The following MCTP1 variants were observed in gnomAD, a reference collection of about 807,000 sequenced individuals.
The protein encoded by MCTP1 is multiple C2 and transmembrane domain containing 1.
MCTP1 carries 69 observed loss-of-function variants against 120.6 expected under a neutral mutation model. That is an observed-to-expected ratio of 0.57 (90% CI 0.47 to 0.70). The LOEUF (loss-of-function observed/expected upper bound fraction) is 0.70. MCTP1 is among the 30% of genes least tolerant of loss of function. The probability of loss-of-function intolerance (pLI) is 0.00; values close to 1 mark genes in which losing one functional copy is unlikely to be tolerated. For synonymous variants in MCTP1, 529 were observed against 493.1 expected, an observed-to-expected ratio of 1.07 and a Z score of -0.96; for missense variants, 1,203 against 1,248.8, an observed-to-expected ratio of 0.96 and a Z score of 0.55.
In MCTP1 at chr5:95,284,659, G is replaced by C; in HGVS notation, c.-84C>G. The C allele has an allele frequency of 8.4e-7, 1 of 1,195,906 alleles. No individual in the cohort carries two copies. Among genetic ancestry groups the C allele is most frequent in the East Asian group, 3.1e-5 (1 of 31,938 alleles). The allele number at this position is 1,195,906 out of a possible 1,614,324, so 74.1% of individuals were successfully genotyped here. A position where few individuals can be genotyped will look rare whatever the true frequency, so the allele number is the denominator to read the frequency against. ...CCCTCTTCGGCTGCACCTCCTCCCG[G>C]GTCCCCGCGGCGCTGGCGGTGGCGG... On this transcript the variant is annotated 5_prime_UTR_variant, in exon 1 of 23. Transcript: ENST00000515393. The surrounding 1 kb of genome is among the most constrained non-coding windows in gnomAD (Gnocchi z 5.2).
At chr5:95,264,073 A>G (rs1287959729) in intron 1 of MCTP1, among the ~76,000 whole-genome samples, 1 of 152,246 alleles carries the variant, frequency 6.6e-6, no homozygotes, top group Admixed American at 6.5e-5. Context: ...GCATATTTGT[A>G]TAATGAAGCT....
At chr5:94,856,543 A>C (rs2153228961) in intron 17 of MCTP1, among the ~76,000 whole-genome samples, 1 of 151,782 alleles carries the variant, frequency 6.6e-6, no homozygotes, top group East Asian at 1.9e-4. Context: ...GGGCTTGTGC[A>C]TGGCATGGAC....
Position 94,985,961 on chromosome 5 carries a change from T to C in MCTP1, c.838+31406A>G, listed in dbSNP as rs184515274. ...AAGTGAGCTTTTCTTACTTTTAAAA[T>C]TATGTAAGTGGGAATGCATGCCTGT... On this transcript the variant is annotated intron_variant, in intron 2 of 22. Coordinates refer to ENST00000515393, the MANE Select transcript of MCTP1 (RefSeq NM_024717.7). Among the ~76,000 whole-genome samples the C allele has an allele frequency of 3.2e-4, 49 of 152,314 alleles. 1 individual carries two copies. The highest frequency in any genetic ancestry group is 1.2e-3 in the African/African-American group (48 of 41,576).
At chr5:95,163,891 A>G (rs1746027811) in intron 1 of MCTP1, among the ~76,000 whole-genome samples, 1 of 152,194 alleles carries the variant, frequency 6.6e-6, no homozygotes, top group Non-Finnish European at 1.5e-5. Flanking sequence ...TAGCTCATTA[A>G]TTATCTCATG....
chr5:95,159,529 G>A (rs914068688), intron 1 of MCTP1, among the ~76,000 whole-genome samples: 1 of 152,128 alleles, frequency 6.6e-6, no homozygotes, highest in Non-Finnish European at 1.5e-5. Flanking sequence ...TATATACTAT[G>A]TTAAGTTCTA....
chr5:95,228,489 A>AGAGC (rs1305923550), intron 1 of MCTP1, among the ~76,000 whole-genome samples: 3 of 148,838 alleles, frequency 2.0e-5, no homozygotes, highest in Non-Finnish European at 3.0e-5. Flanking sequence ...AGAGAGAGAG[A>AGAGC]GAGCGAGACA....
At position 95,284,288 on chromosome 5, in the gene MCTP1, C is replaced by T; in HGVS notation, c.288G>A (p.Gln96=). 6.3e-7 allele frequency: 1 copy of T among 1,596,972 alleles called. No homozygotes were observed. Among genetic ancestry groups the T allele is most frequent in the Non-Finnish European group, 8.5e-7 (1 of 1,178,804 alleles). ...CCGGCGACGAGCAGCACAGGTTGGG[C>T]TGCGAGGAGGAGAAGACTCGGTCCA... ...QVLDRVFSSS[Q]PNLCCSSPEP... is the part of the protein sequence containing the mutation. Residue 96 remains glutamine, a synonymous_variant, in exon 1 of 23, where the codon CAG becomes CAA. Transcript: ENST00000515393. The surrounding 1 kb of genome is among the most constrained non-coding windows in gnomAD (Gnocchi z 5.2).
intron 1 of MCTP1, among the ~76,000 whole-genome samples, chr5:95,156,410 T>C (rs1745137148): frequency 6.6e-6 from 1 of 152,166 alleles, no homozygotes; most frequent in Non-Finnish European, 1.5e-5. Flanking sequence ...ACCCAAACCA[T>C]TTTGGAAACT....
intron 1 of MCTP1, among the ~76,000 whole-genome samples, chr5:95,251,588 C>T (rs567086815): frequency 1.3e-5 from 2 of 152,180 alleles, no homozygotes; most frequent in Non-Finnish European, 2.9e-5. Context: ...TCTTATCTTG[C>T]TAGGGGATTC....
intron 17 of MCTP1, among the ~76,000 whole-genome samples, chr5:94,828,884 C>T (rs116422340): frequency 0.017 from 2,638 of 152,296 alleles, 84 homozygotes; most frequent in African/African-American, 0.061. Flanking sequence ...TTACTGGTCT[C>T]CGTGGGATCC....
intron 2 of MCTP1, among the ~76,000 whole-genome samples, chr5:94,975,722 C>T (rs1827946396): frequency 6.6e-6 from 1 of 151,908 alleles, no homozygotes; most frequent in Non-Finnish European, 1.5e-5. Flanking sequence ...ATAACTGTGC[C>T]TCTCTTCACC....
In MCTP1 at chr5:95,061,424, T is replaced by G. The variant is rs1480336824; in HGVS notation, c.721-43940A>C. On this transcript the variant is annotated intron_variant, in intron 1 of 22. Coordinates refer to ENST00000515393, the MANE Select transcript of MCTP1 (RefSeq NM_024717.7). ...CCCTTAAGGGTTTTTTTTTTTTTTT[T>G]TTTTTTTTTTTTTTTTTTTTTTTTT... Among the ~76,000 whole-genome samples the G allele has an allele frequency of 7.9e-3, 286 of 36,232 alleles. 42 individuals are homozygous for G. The highest frequency in any genetic ancestry group is 0.034 in the Admixed American group (121 of 3,560). The allele number at this position is 36,232 out of a possible 152,430, so 23.8% of individuals were successfully genotyped here. A position where few individuals can be genotyped will look rare whatever the true frequency, so the allele number is the denominator to read the frequency against.
chr5:95,088,274 T>G (rs1023161766), intron 1 of MCTP1, among the ~76,000 whole-genome samples: 1 of 152,200 alleles, frequency 6.6e-6, no homozygotes, highest in Non-Finnish European at 1.5e-5. Flanking sequence ...AACTTCTCAC[T>G]TACTCTCACT....
intron 1 of MCTP1, among the ~76,000 whole-genome samples, chr5:95,206,944 A>C (rs1320855387): frequency 6.6e-6 from 1 of 152,188 alleles, no homozygotes; most frequent in Non-Finnish European, 1.5e-5. Flanking sequence ...TGATTTCAGG[A>C]AATTTGTTCA....
intron 1 of MCTP1, among the ~76,000 whole-genome samples, chr5:95,031,352 T>A (rs968934099): frequency 6.7e-6 from 1 of 149,402 alleles, no homozygotes; most frequent in Non-Finnish European, 1.5e-5. Context: ...AAGGTCAACA[T>A]GAAAGAAAAA....
At chr5:94,981,505 C>T (rs902139407) in intron 2 of MCTP1, among the ~76,000 whole-genome samples, 13 of 152,044 alleles carry the variant, frequency 8.6e-5, no homozygotes, top group South Asian at 6.2e-4. Flanking sequence ...GCTGTGGATT[C>T]GGCAGTGCAT....
intron 1 of MCTP1, among the ~76,000 whole-genome samples, chr5:95,074,298 C>T (rs551173401): frequency 6.6e-6 from 1 of 152,308 alleles, no homozygotes; most frequent in East Asian, 1.9e-4. Context: ...GCACCATCCA[C>T]TTGAAGGTGT....
chr5:94,858,743 A>G (rs1055098884), intron 17 of MCTP1, among the ~76,000 whole-genome samples: 21 of 151,694 alleles, frequency 1.4e-4, no homozygotes, highest in Non-Finnish European at 2.7e-4. Flanking sequence ...CCTCCATTCC[A>G]GTTGTACCAT....
chr5:94,756,896 T>C (rs776051315), intron 19 of MCTP1, among the ~76,000 whole-genome samples: 8 of 152,144 alleles, frequency 5.3e-5, no homozygotes, highest in Non-Finnish European at 1.2e-4. Flanking sequence ...TTTTTTTTTG[T>C]GGAAATAAGG....
Sources: allele counts gnomAD v4.1 joint callset (sites outside exome capture counted in the v4.1 genomes callset), GRCh38; gene constraint gnomAD v4.1.1; non-coding constraint Gnocchi (gnomAD v3.1); transcripts MANE v1.5; gene names NCBI Gene and HGNC (gene_info 2026-07-23, HGNC 2026-07-21).